The following DAB1 variants were observed in gnomAD, a reference collection of about 807,000 sequenced individuals.
DAB1 encodes disabled homolog 1.
DAB1 carries 15 observed loss-of-function variants against 64.6 expected under a neutral mutation model. The observed-to-expected ratio is 0.23, with a 90% CI of 0.16 to 0.36. DAB1 has a LOEUF of 0.36. Ranked by LOEUF, DAB1 falls within the 10% of genes least tolerant of loss-of-function variation. The pLI, the probability that DAB1 is intolerant of heterozygous loss-of-function variation, is 1.00. For missense variants in DAB1, 596 were observed against 706.7 expected (o/e 0.84, Z 1.78); for synonymous variants, 235 against 251.9 (o/e 0.93, Z 0.64).
At position 57,230,544 on chromosome 1, in the gene DAB1, A is replaced by G. The variant is rs529750542; in HGVS notation, c.67+60420T>C. ...TGCTATTTCTCTTTACTAAAAAAAGATTTCTGAAGTGAACGTAAACATGAG... is the reference window on the plus strand; with the variant it reads ...TGCTATTTCTCTTTACTAAAAAAAGGTTTCTGAAGTGAACGTAAACATGAG... On this transcript the variant is annotated intron_variant, in intron 2 of 14. Coordinates refer to ENST00000371236, the MANE Select transcript of DAB1 (RefSeq NM_001365792.1). Among the ~76,000 whole-genome samples, 320 of 152,270 alleles carry G rather than the reference A, an allele frequency of 2.1e-3. 1 individual carries two copies. The highest frequency in any genetic ancestry group is 5.7e-3 in the African/African-American group (238 of 41,556).
chr1:57,556,254 T>C (rs1469217323), intron 7 of DAB1, among the ~76,000 whole-genome samples: 2 of 152,192 alleles, frequency 1.3e-5, no homozygotes, highest in Admixed American at 1.3e-4. Flanking sequence ...TAGAAGTATC[T>C]TTTTCGTATA....
chr1:58,257,996 G>T (rs1274739855), intron 4 of DAB1, among the ~76,000 whole-genome samples: 4 of 152,158 alleles, frequency 2.6e-5, no homozygotes, highest in African/African-American at 9.7e-5. Context: ...TGCTTATTTG[G>T]ATTTTAAATT....
At position 58,191,539 on chromosome 1, in the gene DAB1, A is replaced by G. The variant is rs142994812; in HGVS notation, n.310-40951T>C. ...CGAGAGAGGGGAACAGGACTGTCCCAGGTCACTGGACTGGCTAACCGTGAA... is the reference window on the plus strand; with the variant it reads ...CGAGAGAGGGGAACAGGACTGTCCCGGGTCACTGGACTGGCTAACCGTGAA... On this transcript the variant is annotated intron_variant and non_coding_transcript_variant, in intron 4 of 20. Transcript: ENST00000485760. 1.6e-3 allele frequency among the ~76,000 whole-genome samples: 238 copies of G among 152,322 alleles called. 1 individual carries two copies. Among genetic ancestry groups the G allele is most frequent in the African/African-American group, 3.7e-3 (154 of 41,570 alleles).
At chr1:57,784,961 T>C (rs1165492655) in intron 6 of DAB1, among the ~76,000 whole-genome samples, 1 of 152,170 alleles carries the variant, frequency 6.6e-6, no homozygotes. Flanking sequence ...TGCTTGGCTT[T>C]AAAGCTCCAA....
intron 6 of DAB1, 113 bp downstream of exon 6, chr1:57,071,409 T>A: frequency 7.8e-7 from 1 of 1,288,858 alleles, no homozygotes; most frequent in Non-Finnish European, 1.1e-6. Flanking sequence ...CAGGAATCTT[T>A]CATCTTCGTT....
At chr1:57,566,797 C>G (rs1645127506) in intron 7 of DAB1, among the ~76,000 whole-genome samples, 1 of 151,948 alleles carries the variant, frequency 6.6e-6, no homozygotes, top group Admixed American at 6.6e-5. Context: ...GCCTACCAAC[C>G]AAAAAAAGTC....
chr1:57,575,022 T>C (rs957184932), intron 7 of DAB1, among the ~76,000 whole-genome samples: 4 of 152,212 alleles, frequency 2.6e-5, no homozygotes, highest in African/African-American at 9.6e-5. Flanking sequence ...CTTCTATCAA[T>C]ATTTACATAA....
chr1:57,570,835 G>T (rs767380018), intron 7 of DAB1, among the ~76,000 whole-genome samples: 3 of 152,124 alleles, frequency 2.0e-5, no homozygotes, highest in Non-Finnish European at 4.4e-5. Flanking sequence ...ATGAGCATGG[G>T]ATGTGTTTTC....
intron 2 of DAB1, among the ~76,000 whole-genome samples, chr1:57,153,065 A>G (rs1212088692): frequency 6.6e-6 from 1 of 152,194 alleles, no homozygotes; most frequent in African/African-American, 2.4e-5. Context: ...TCACTCTGTC[A>G]TCCAGGCTGA....
chr1:57,072,640 C>T (rs758908783), intron 4 of DAB1, among the ~76,000 whole-genome samples: 4 of 152,236 alleles, frequency 2.6e-5, no homozygotes, highest in Non-Finnish European at 4.4e-5. Flanking sequence ...TGTTCATATG[C>T]TGAATAAGCA....
At chr1:58,330,032 G>A (rs1035216008) in intron 4 of DAB1, among the ~76,000 whole-genome samples, 8 of 152,130 alleles carry the variant, frequency 5.3e-5, no homozygotes, top group Non-Finnish European at 1.0e-4. Context: ...AGTTAGAAAG[G>A]CACATTGAAA....
At chr1:57,846,241 C>T (rs1271362696) in intron 1 of DAB1, among the ~76,000 whole-genome samples, 3 of 151,920 alleles carry the variant, frequency 2.0e-5, no homozygotes, top group Non-Finnish European at 2.9e-5. Context: ...GGGCAGATCA[C>T]GAGGTCAGGA....
chr1:58,503,403 A>G (rs1381825893), intron 3 of DAB1, among the ~76,000 whole-genome samples: 1 of 152,202 alleles, frequency 6.6e-6, no homozygotes, highest in Non-Finnish European at 1.5e-5. Flanking sequence ...ACTACATATT[A>G]TATCAGGTAA....
chr1:58,079,132 G>GAT (rs1374596210), intron 5 of DAB1, among the ~76,000 whole-genome samples: 2 of 152,194 alleles, frequency 1.3e-5, no homozygotes, highest in Non-Finnish European at 2.9e-5. Context: ...AGAGAAGTCA[G>GAT]GTGGCTTGAC....
intron 4 of DAB1, among the ~76,000 whole-genome samples, chr1:58,181,561 AT>A (rs780431664): frequency 2.0e-5 from 3 of 152,040 alleles, no homozygotes; most frequent in Non-Finnish European, 2.9e-5. Context: ...CTTCTGTACC[AT>A]TTTAACTCCT....
chr1:58,292,139 C>T (rs1661858737), intron 4 of DAB1, among the ~76,000 whole-genome samples: 2 of 152,166 alleles, frequency 1.3e-5, no homozygotes, highest in African/African-American at 4.8e-5. Flanking sequence ...ACCATCTGCT[C>T]CTCTGATCCT....
chr1:57,740,046 C>CAACAAAAAAAAAAA (rs1647906018), intron 6 of DAB1, among the ~76,000 whole-genome samples: 1 of 103,142 alleles, frequency 9.7e-6, no homozygotes, highest in African/African-American at 3.8e-5. Context: ...ACTACTACTA[C>CAACAAAAAAAAAAA]AAAAAAAAAA....
At chr1:57,362,474 TG>T (rs531590397) in intron 1 of DAB1, among the ~76,000 whole-genome samples, 2 of 152,274 alleles carry the variant, frequency 1.3e-5, no homozygotes, top group South Asian at 4.1e-4. Context: ...ACCACTGATA[TG>T]GTTGGAATGT....
intron 5 of DAB1, among the ~76,000 whole-genome samples, chr1:58,044,068 G>C (rs1647188177): frequency 6.6e-6 from 1 of 152,134 alleles, no homozygotes; most frequent in East Asian, 1.9e-4. Context: ...TCAATTACCT[G>C]TATATTTAAT....
Sources: allele counts gnomAD v4.1 joint callset (sites outside exome capture counted in the v4.1 genomes callset), GRCh38; gene constraint gnomAD v4.1.1; transcripts MANE v1.5; gene names NCBI Gene and HGNC (gene_info 2026-07-23, HGNC 2026-07-21).